CDKL5: variants seen among roughly 807,000 people sequenced by gnomAD.
CDKL5 encodes the protein cyclin-dependent kinase-like 5.
In CDKL5, 8 loss-of-function variants were observed where a neutral mutation model predicts 61.7. The observed-to-expected ratio is 0.13, with a 90% CI of 0.08 to 0.23. CDKL5 has a LOEUF of 0.23. CDKL5 is among the 10% of genes least tolerant of loss of function. The probability of loss-of-function intolerance (pLI) is 1.00; values close to 1 mark genes in which losing one functional copy is unlikely to be tolerated. For synonymous variants in CDKL5, 275 were observed against 272.3 expected (o/e 1.01, Z -0.10); for missense variants, 440 against 734.5 (o/e 0.60, Z 4.63).
intron 1 of CDKL5, among the ~76,000 whole-genome samples, chrX:18,447,482 C>G (rs750796117): frequency 8.9e-6 from 1 of 111,756 alleles, no homozygotes; most frequent in African/African-American, 3.2e-5. Flanking sequence ...TTCCCACCCC[C>G]ACCGCTGCTT....
At chrX:18,509,197 G>GCACGCACGCGCGCGCACACACA in intron 2 of CDKL5, among the ~76,000 whole-genome samples, 1 of 64,308 alleles carries the variant, frequency 1.6e-5, no homozygotes, top group South Asian at 1.1e-3. Flanking sequence ...CTCAAAACAC[G>GCACGCACGCGCGCGCACACACA]CACACACACA....
intron 1 of CDKL5, among the ~76,000 whole-genome samples, chrX:18,440,863 A>G (rs759892650): frequency 8.9e-6 from 1 of 112,030 alleles, no homozygotes; most frequent in African/African-American, 3.2e-5. Flanking sequence ...ATGACAGCCA[A>G]TAAGTTAAGA....
chrX:18,507,036 T>G lies in CDKL5; in HGVS notation c.-61T>G. 1 of 872,218 alleles carries G rather than the reference T, an allele frequency of 1.1e-6. No homozygotes were observed. Among genetic ancestry groups the G allele is most frequent in the Non-Finnish European group, 1.7e-6 (1 of 586,036 alleles). The allele number at this position is 872,218 out of a possible 1,213,427, so 71.9% of individuals were successfully genotyped here. ...CGGTTTTGGATCTTACTGCACAGCTTTCTGAGAAGTTCTTTTGGTGCCATG... is the reference window on the plus strand; with the variant it reads ...CGGTTTTGGATCTTACTGCACAGCTGTCTGAGAAGTTCTTTTGGTGCCATG... On this transcript the variant is annotated 5_prime_UTR_variant, in exon 2 of 18. Coordinates refer to ENST00000623535, the MANE Select transcript of CDKL5 (RefSeq NM_001323289.2).
chrX:18,466,810 G>C (rs1920965186), intron 1 of CDKL5, among the ~76,000 whole-genome samples: 1 of 111,873 alleles, frequency 8.9e-6, no homozygotes, highest in South Asian at 3.7e-4. Context: ...ACCATGCCTG[G>C]CTCATTTCCT....
At chrX:18,627,064 C>T (rs1927086200) in intron 17 of CDKL5, 1 of 110,805 alleles carries the variant, frequency 9.0e-6, no homozygotes, top group African/African-American at 3.3e-5. Context: ...CACCAGGAGT[C>T]TCATCGTGTT....
chrX:18,649,281 G>T (rs914517713), intron 20 of CDKL5, among the ~76,000 whole-genome samples: 2 of 111,193 alleles, frequency 1.8e-5, no homozygotes, highest in African/African-American at 6.5e-5. Flanking sequence ...TGTCGCACAG[G>T]CTGGAGTGCT....
chrX:18,647,210 G>T lies in CDKL5; in HGVS notation c.2797+1120G>T. 3 of 1,211,071 alleles carry T rather than the reference G, an allele frequency of 2.5e-6. No individual in the cohort carries two copies. Among genetic ancestry groups the T allele is most frequent in the Non-Finnish European group, 3.4e-6 (3 of 895,431 alleles). On this transcript the variant is annotated intron_variant, in intron 20 of 21. Coordinates refer to the CDKL5 transcript ENST00000379989. The stretch of plus-strand genomic sequence containing the variant: ...GCTTACCCAAAGCCTTGACTGTTGA[G>T]CCGGGCCTTGTTTGCAGTCCACGAA...
At chrX:18,519,231 T>C (rs375401556) in intron 3 of CDKL5, among the ~76,000 whole-genome samples, 18 of 112,188 alleles carry the variant, frequency 1.6e-4, no homozygotes, top group African/African-American at 5.5e-4. Context: ...GCCACAGTCA[T>C]TTAAGTATTT....
At chrX:18,455,614 A>G (rs1932123409) in intron 1 of CDKL5, among the ~76,000 whole-genome samples, 1 of 112,988 alleles carries the variant, frequency 8.9e-6, no homozygotes, top group Non-Finnish European at 1.9e-5. Context: ...GGAGGCCAGT[A>G]TGGCACTTCA....
At chrX:18,625,393 AG>A in intron 17 of CDKL5, 146 bp downstream of exon 17, 1 of 602,467 alleles carries the variant, frequency 1.7e-6, no homozygotes, top group Admixed American at 2.6e-5. Context: ...AGTTATAGCC[AG>A]ATGCATCTCG....
chrX:18,585,389 C>A, intron 8 of CDKL5, among the ~76,000 whole-genome samples: 1 of 109,859 alleles, frequency 9.1e-6, no homozygotes, highest in Admixed American at 9.6e-5. Context: ...AGCAAGACTC[C>A]ATCACACACA....
intron 3 of CDKL5, among the ~76,000 whole-genome samples, chrX:18,557,417 C>T (rs1924643887): frequency 1.8e-5 from 2 of 111,697 alleles, no homozygotes; most frequent in South Asian, 7.5e-4. Flanking sequence ...GATGAGCATC[C>T]ATGGATTTTG....
At chrX:18,529,411 T>C (rs1207857605) in intron 3 of CDKL5, among the ~76,000 whole-genome samples, 1 of 111,241 alleles carries the variant, frequency 9.0e-6, no homozygotes, top group Non-Finnish European at 1.9e-5. Context: ...TGAACAGTTA[T>C]CAATTAAGAA....
At chrX:18,650,236 A>T in intron 20 of CDKL5, 1 of 501,961 alleles carries the variant, frequency 2.0e-6, no homozygotes, top group Non-Finnish European at 3.5e-6. Flanking sequence ...GCAGCAGAGA[A>T]TGTGTGGCTC....
intron 20 of CDKL5, chrX:18,647,324 A>T: frequency 8.3e-7 from 1 of 1,210,577 alleles, no homozygotes; most frequent in African/African-American, 1.7e-5. Context: ...GGCTTGTGAT[A>T]TGGGCATTCT....
At chrX:18,460,649 A>C (rs1035059774) in intron 1 of CDKL5, among the ~76,000 whole-genome samples, 1 of 110,941 alleles carries the variant, frequency 9.0e-6, no homozygotes, top group Non-Finnish European at 1.9e-5. Flanking sequence ...ACACAGGTGC[A>C]TTCCACCATG....
intron 11 of CDKL5, among the ~76,000 whole-genome samples, chrX:18,599,375 G>A (rs1012398966): frequency 3.6e-5 from 4 of 112,298 alleles, no homozygotes; most frequent in African/African-American, 9.7e-5. Context: ...ATCTGGGGTC[G>A]TTGGATTATG....
intron 5 of CDKL5, among the ~76,000 whole-genome samples, chrX:18,576,744 C>G (rs1266939296): frequency 9.2e-6 from 1 of 108,418 alleles, no homozygotes; most frequent in Non-Finnish European, 1.9e-5. Flanking sequence ...TTTTAAGTTT[C>G]TTTTTCTGTG....
intron 21 of CDKL5, among the ~76,000 whole-genome samples, chrX:18,652,697 A>G (rs1407477613): frequency 9.0e-6 from 1 of 111,666 alleles, no homozygotes; most frequent in African/African-American, 3.3e-5. Context: ...GATCCTTATC[A>G]GACACACACA....
Sources: gnomAD v4.1 joint callset for allele counts (sites outside exome capture counted in the v4.1 genomes callset) on GRCh38, gnomAD v4.1.1 for gene constraint, MANE v1.5 for transcripts, NCBI Gene and HGNC (gene_info 2026-07-23, HGNC 2026-07-21) for gene names.